Variants in BRINP1 observed in about 807,000 individuals in gnomAD.
BRINP1 encodes BMP/retinoic acid-inducible neural-specific protein 1.
BRINP1 carries 17 observed loss-of-function variants against 72.9 expected under a neutral mutation model. The ratio of observed to expected loss-of-function variants is 0.23; its 90% CI spans 0.16 to 0.35. The LOEUF (loss-of-function observed/expected upper bound fraction) is 0.35, where lower values mean the gene tolerates loss of function less well. BRINP1 is among the 10% of genes least tolerant of loss of function. The pLI, the probability that BRINP1 is intolerant of heterozygous loss-of-function variation, is 1.00. For missense variants in BRINP1, 850 were observed against 1,001.6 expected, an observed-to-expected ratio of 0.85 and a Z score of 2.04; for synonymous variants, 418 against 378.5, an observed-to-expected ratio of 1.10 and a Z score of -1.21.
chr9:119,206,072 T>A (rs1304951371), intron 7 of BRINP1, among the ~76,000 whole-genome samples: 2 of 152,138 alleles, frequency 1.3e-5, no homozygotes, highest in African/African-American at 4.8e-5. Context: ...TAAGTTAACA[T>A]GAGGCCATTT....
intron 1 of BRINP1, among the ~76,000 whole-genome samples, chr9:119,343,255 C>G (rs1001938778): frequency 6.6e-6 from 1 of 152,156 alleles, no homozygotes; most frequent in Admixed American, 6.5e-5. Context: ...CTCCGCACTG[C>G]CTACGGGGAA....
At position 119,249,073 on chromosome 9, in the gene BRINP1, G is replaced by A; in HGVS notation, c.296C>T (p.Pro99Leu). Residue 99 changes from proline to leucine, a missense_variant, in exon 3 of 8, where the codon CCG (proline) becomes CTG (leucine). Physicochemically the swap from Pro to Leu is moderately conservative, Grantham distance 98. Transcript: ENST00000265922. Reference sequence around the variant, plus strand: ...CAGGCGGATGCTCCTTTGAAACTCCGGCATGAGGGGCACTGGATGGCGGAC... The same window carrying A: ...CAGGCGGATGCTCCTTTGAAACTCCAGCATGAGGGGCACTGGATGGCGGAC... ...DLVRHPVPLM[P>L]EFQRSIRLLG... 12 of 1,614,038 alleles carry A rather than the reference G, an allele frequency of 7.4e-6. No individual in the cohort carries two copies. Among genetic ancestry groups the A allele is most frequent in the Non-Finnish European group, 1.0e-5 (12 of 1,180,016 alleles).
intron 1 of BRINP1, among the ~76,000 whole-genome samples, chr9:119,336,542 G>A (rs369595549): frequency 2.0e-5 from 3 of 152,146 alleles, no homozygotes; most frequent in Admixed American, 6.5e-5. Context: ...GGGCTGTGAG[G>A]GTGGGAGTGA....
intron 6 of BRINP1, among the ~76,000 whole-genome samples, chr9:119,212,897 G>T (rs1037238171): frequency 1.3e-5 from 2 of 152,158 alleles, no homozygotes; most frequent in South Asian, 2.1e-4. Flanking sequence ...TCTAAAGGAG[G>T]TTTATGAGTA....
intron 2 of BRINP1, among the ~76,000 whole-genome samples, chr9:119,267,197 A>C (rs1361804465): frequency 1.3e-5 from 2 of 152,250 alleles, no homozygotes; most frequent in Non-Finnish European, 2.9e-5. Context: ...TATGAAAGAA[A>C]AAGAAGAATC....
chr9:119,175,303 T>G (rs1829473335), intron 7 of BRINP1, among the ~76,000 whole-genome samples: 1 of 150,820 alleles, frequency 6.6e-6, no homozygotes, highest in African/African-American at 2.4e-5. Context: ...TTCTCACTAG[T>G]AAGTGGGAGT....
chr9:119,317,015 C>T (rs979452213), intron 1 of BRINP1, among the ~76,000 whole-genome samples: 3 of 151,778 alleles, frequency 2.0e-5, no homozygotes, highest in East Asian at 1.9e-4. Context: ...CGCTTGAACC[C>T]GGGAGGCGGA....
intron 2 of BRINP1, among the ~76,000 whole-genome samples, chr9:119,281,385 T>C (rs551088007): frequency 2.4e-4 from 35 of 145,458 alleles, no homozygotes; most frequent in African/African-American, 5.9e-4. Flanking sequence ...TTAGCATTGA[T>C]GTAAGCATTC....
At chr9:119,201,036 A>G (rs1203513767) in intron 7 of BRINP1, among the ~76,000 whole-genome samples, 4 of 152,202 alleles carry the variant, frequency 2.6e-5, no homozygotes, top group Non-Finnish European at 5.9e-5. Flanking sequence ...GAACCAGATC[A>G]TGGCAGATCT....
At chr9:119,229,648 T>C (rs913492815) in intron 5 of BRINP1, among the ~76,000 whole-genome samples, 2 of 152,188 alleles carry the variant, frequency 1.3e-5, no homozygotes, top group East Asian at 3.9e-4. Context: ...TCCTGGAAGA[T>C]GTAACATCCA....
At chr9:119,362,414 T>C (rs889981814) in intron 1 of BRINP1, among the ~76,000 whole-genome samples, 3 of 152,178 alleles carry the variant, frequency 2.0e-5, no homozygotes, top group Admixed American at 1.3e-4. Context: ...TCCTTTAGAC[T>C]TCCCCTTACC....
At chr9:119,338,464 C>T (rs1298231295) in intron 1 of BRINP1, among the ~76,000 whole-genome samples, 3 of 151,786 alleles carry the variant, frequency 2.0e-5, no homozygotes, top group Non-Finnish European at 4.4e-5. Context: ...TGTTTTTCCC[C>T]TCACGGCCTC....
At chr9:119,351,387 C>T (rs1190363597) in intron 1 of BRINP1, among the ~76,000 whole-genome samples, 3 of 152,024 alleles carry the variant, frequency 2.0e-5, no homozygotes, top group Non-Finnish European at 4.4e-5. Flanking sequence ...GATCTGAGGT[C>T]CTGTAGAAGA....
At chr9:119,321,817 G>T (rs1217075848) in intron 1 of BRINP1, among the ~76,000 whole-genome samples, 1 of 152,128 alleles carries the variant, frequency 6.6e-6, no homozygotes, top group African/African-American at 2.4e-5. Context: ...ATTATGATCT[G>T]GGAAATACTG....
At chr9:119,233,098 A>G (rs1310855188) in intron 5 of BRINP1, among the ~76,000 whole-genome samples, 1 of 151,806 alleles carries the variant, frequency 6.6e-6, no homozygotes, top group Admixed American at 6.6e-5. Context: ...GGTGAAAGTC[A>G]TTAGAGTGCC....
chr9:119,286,616 G>A (rs545517833), intron 2 of BRINP1, among the ~76,000 whole-genome samples: 9 of 152,294 alleles, frequency 5.9e-5, no homozygotes, highest in Admixed American at 1.3e-4. Context: ...AAGATTCAGC[G>A]TTTTCATATA....
intron 7 of BRINP1, among the ~76,000 whole-genome samples, chr9:119,201,653 T>C (rs995062465): frequency 6.6e-6 from 1 of 152,152 alleles, no homozygotes; most frequent in African/African-American, 2.4e-5. Flanking sequence ...CAGGACAGAA[T>C]AGGACTTGAA....
intron 7 of BRINP1, among the ~76,000 whole-genome samples, chr9:119,198,672 A>ATTT (rs35233721): frequency 6.8e-6 from 1 of 146,458 alleles, no homozygotes; most frequent in African/African-American, 2.6e-5. Flanking sequence ...GAAAATATTA[A>ATTT]TTTTTTTTTT....
At chr9:119,185,696 C>T (rs1302207986) in intron 7 of BRINP1, among the ~76,000 whole-genome samples, 1 of 152,322 alleles carries the variant, frequency 6.6e-6, no homozygotes, top group South Asian at 2.1e-4. Context: ...TACCTCCTCT[C>T]CCCGGTCAGG....
Sources: allele counts gnomAD v4.1 joint callset (sites outside exome capture counted in the v4.1 genomes callset), GRCh38; gene constraint gnomAD v4.1.1; transcripts MANE v1.5; gene names NCBI Gene and HGNC (gene_info 2026-07-23, HGNC 2026-07-21).